SOX5: variants seen among roughly 807,000 people sequenced by gnomAD.
The protein encoded by SOX5 is transcription factor SOX-5.
SOX5 carries 9 observed loss-of-function variants against 92.0 expected under a neutral mutation model. The observed-to-expected ratio is 0.10, with a 90% CI of 0.06 to 0.17. The LOEUF is 0.17. Ranked by LOEUF, SOX5 falls within the 10% of genes least tolerant of loss-of-function variation. SOX5 has a pLI of 1.00. For missense variants in SOX5, 642 were observed against 944.5 expected, an observed-to-expected ratio of 0.68 and a Z score of 4.20; for synonymous variants, 344 against 336.3, an observed-to-expected ratio of 1.02 and a Z score of -0.25.
chr12:23,903,708 T>C (rs892992836), intron 1 of SOX5, among the ~76,000 whole-genome samples: 1 of 152,236 alleles, frequency 6.6e-6, no homozygotes, highest in African/African-American at 2.4e-5. Context: ...CTGGAAGTTA[T>C]GTGCCTTAAG....
At chr12:24,301,122 C>T (rs1446348782) in intron 2 of SOX5, among the ~76,000 whole-genome samples, 2 of 152,216 alleles carry the variant, frequency 1.3e-5, no homozygotes, top group Non-Finnish European at 2.9e-5. Context: ...CAGGGACAAG[C>T]AGCCCGCAAG....
chr12:24,510,953 TCA>T (rs1157980096), intron 1 of SOX5, among the ~76,000 whole-genome samples: 2 of 152,200 alleles, frequency 1.3e-5, no homozygotes, highest in Admixed American at 1.3e-4. Context: ...CCACTTATTT[TCA>T]CAGTCACACA....
In SOX5 at chr12:23,694,512, A is replaced by AG. The variant is rs200796671; in HGVS notation, c.811-28949dup. ...ATTCTCTCTTTACCTGTGTCTAATC[A>AG]GGGGCTTAACCCATTAATCAAAATA... is the stretch of plus-strand genomic sequence containing the variant. On this transcript the variant is annotated intron_variant, in intron 6 of 14. Transcript: ENST00000451604. Among the ~76,000 whole-genome samples, 914 of 152,282 alleles carry AG rather than the reference A, an allele frequency of 6.0e-3. 9 individuals are homozygous for AG. Among genetic ancestry groups the AG allele is most frequent in the South Asian group, 0.023 (110 of 4,826 alleles).
At chr12:24,157,738 C>G (rs1301663010) in intron 4 of SOX5, among the ~76,000 whole-genome samples, 2 of 152,022 alleles carry the variant, frequency 1.3e-5, no homozygotes, top group African/African-American at 4.8e-5. Context: ...AAGTCATTCC[C>G]CTTGATACCA....
At chr12:24,010,888 G>A (rs1450883009) in intron 4 of SOX5, among the ~76,000 whole-genome samples, 3 of 151,488 alleles carry the variant, frequency 2.0e-5, no homozygotes, top group Non-Finnish European at 4.4e-5. Context: ...GCAGTGAGCC[G>A]AGATCATGCC....
intron 8 of SOX5, among the ~76,000 whole-genome samples, chr12:23,619,092 A>G (rs1369865280): frequency 6.6e-6 from 1 of 152,146 alleles, no homozygotes; most frequent in Non-Finnish European, 1.5e-5. Flanking sequence ...AACAACACAT[A>G]TGAGAGGTTT....
chr12:24,179,135 C>G (rs1194811817), intron 4 of SOX5, among the ~76,000 whole-genome samples: 1 of 152,158 alleles, frequency 6.6e-6, no homozygotes, highest in Non-Finnish European at 1.5e-5. Flanking sequence ...AACTGAAGTT[C>G]TTTAAACTGT....
At chr12:24,505,858 T>TGTGTGTGTGTGTGCGCGC (rs67721290) in intron 1 of SOX5, among the ~76,000 whole-genome samples, 3,789 of 70,958 alleles carry the variant, frequency 0.053, 92 homozygotes, top group Admixed American at 0.17. Context: ...TGTGTGCGTG[T>TGTGTGTGTGTGTGCGCGC]GTGTGTGTGT....
chr12:24,205,819 G>C (rs192129020), intron 4 of SOX5, among the ~76,000 whole-genome samples: 1 of 152,170 alleles, frequency 6.6e-6, no homozygotes, highest in Non-Finnish European at 1.5e-5. Context: ...TTATACCCTT[G>C]TGACTGTGGT....
intron 4 of SOX5, among the ~76,000 whole-genome samples, chr12:24,058,968 C>T (rs1463505365): frequency 6.6e-6 from 1 of 152,062 alleles, no homozygotes; most frequent in Non-Finnish European, 1.5e-5. Flanking sequence ...ATATGTGCTT[C>T]CTGGAATTGT....
chr12:23,950,065 C>T (rs1451363382), upstream of SOX5, among the ~76,000 whole-genome samples: 1 of 151,928 alleles, frequency 6.6e-6, no homozygotes, highest in East Asian at 1.9e-4. Context: ...CATACACACG[C>T]AGAACAGTAT....
intron 6 of SOX5, among the ~76,000 whole-genome samples, chr12:23,722,897 T>G (rs1449097870): frequency 1.3e-5 from 2 of 152,158 alleles, no homozygotes; most frequent in Non-Finnish European, 2.9e-5. Flanking sequence ...ACACCAGCAT[T>G]TTTCTTCTCA....
intron 1 of SOX5, among the ~76,000 whole-genome samples, chr12:24,424,125 C>A (rs1966345389): frequency 6.6e-6 from 1 of 152,128 alleles, no homozygotes; most frequent in African/African-American, 2.4e-5. Context: ...ATTTCAGGGG[C>A]AAATAGCAAA....
intron 2 of SOX5, among the ~76,000 whole-genome samples, chr12:24,294,935 A>C (rs770172297): frequency 2.0e-5 from 3 of 152,218 alleles, no homozygotes; most frequent in Non-Finnish European, 4.4e-5. Flanking sequence ...CCAGGTCTTA[A>C]CATCCACAAA....
chr12:23,999,197 G>A (rs111752153), intron 4 of SOX5, among the ~76,000 whole-genome samples: 29 of 138,500 alleles, frequency 2.1e-4, no homozygotes, highest in African/African-American at 6.8e-4. Context: ...TCTCTTAAGT[G>A]ATTTAAAAGA....
intron 2 of SOX5, among the ~76,000 whole-genome samples, chr12:24,324,547 T>C (rs1198075328): frequency 6.6e-6 from 1 of 152,154 alleles, no homozygotes; most frequent in Non-Finnish European, 1.5e-5. Flanking sequence ...TTAACCGTAC[T>C]GACATTCTAC....
chr12:23,745,098 C>G (rs1242851908), intron 4 of SOX5, among the ~76,000 whole-genome samples: 1 of 152,082 alleles, frequency 6.6e-6, no homozygotes, highest in Non-Finnish European at 1.5e-5. Context: ...AGGTTCTAGG[C>G]ATTAGGACTT....
intron 3 of SOX5, among the ~76,000 whole-genome samples, chr12:23,838,089 A>G (rs1242223746): frequency 9.5e-5 from 13 of 136,858 alleles, no homozygotes; most frequent in Non-Finnish European, 1.1e-4. Flanking sequence ...ATTTATATAT[A>G]TTTATACTTA....
chr12:23,931,681 A>T (rs1234865839), intron 1 of SOX5, among the ~76,000 whole-genome samples: 1 of 151,714 alleles, frequency 6.6e-6, no homozygotes, highest in African/African-American at 2.4e-5. Flanking sequence ...AAACAAGATT[A>T]TTTCTGATTT....
Sources: allele counts gnomAD v4.1 joint callset (sites outside exome capture counted in the v4.1 genomes callset), GRCh38; gene constraint gnomAD v4.1.1; transcripts MANE v1.5; gene names NCBI Gene and HGNC (gene_info 2026-07-23, HGNC 2026-07-21).